Variants in CNTNAP3 observed in about 807,000 individuals in gnomAD.
The protein encoded by CNTNAP3 is contactin associated protein family member 3.
Under a neutral mutation model 92.1 loss-of-function variants are expected in CNTNAP3, and 36 were observed. The observed-to-expected ratio is 0.39, with a 90% CI of 0.30 to 0.52. The LOEUF is 0.52. Ranked by LOEUF, CNTNAP3 falls within the 20% of genes least tolerant of loss-of-function variation. CNTNAP3 has a pLI of 0.76. For synonymous variants in CNTNAP3, 232 were observed against 422.3 expected, an observed-to-expected ratio of 0.55 and a Z score of 5.53; for missense variants, 534 against 1,069.6, an observed-to-expected ratio of 0.50 and a Z score of 6.98.
In CNTNAP3 at chr9:39,117,914, C is replaced by T. The variant is rs868616564; in HGVS notation, c.2237+189G>A. 2.3e-3 allele frequency: 3,087 copies of T among 1,319,896 alleles called. 80 individuals are homozygous for T. In the African/African-American group the frequency reaches 0.042, roughly 18 times the overall value. 81.8% of individuals were successfully genotyped at this position (1,319,896 alleles called of 1,614,324 possible). On this transcript the variant is annotated intron_variant, in intron 14 of 23. Coordinates refer to ENST00000297668, the MANE Select transcript of CNTNAP3 (RefSeq NM_033655.5). ...CACATTATATAGTATTCACAACGAA[C>T]TAGTAAATCTTTGGTCATAAAATTT...
chr9:39,285,502 T>C lies in CNTNAP3; in HGVS notation c.85+2478A>G, dbSNP rs1185290899. Among the ~76,000 whole-genome samples the C allele has an allele frequency of 3.6e-4, 20 of 55,186 alleles. 6 individuals are homozygous for C. The highest frequency in any genetic ancestry group is 7.3e-4 in the African/African-American group (18 of 24,562). The allele number at this position is 55,186 out of a possible 152,430, so 36.2% of individuals were successfully genotyped here. ...GATAAACTGCACATAATCCCCAAAA[T>C]GCCAAATGTTTAGAAAGCTTTTTTT... On this transcript the variant is annotated intron_variant, in intron 1 of 23. Coordinates refer to ENST00000297668, the MANE Select transcript of CNTNAP3 (RefSeq NM_033655.5).
At chr9:39,119,002 G>C (rs1820936433) in intron 13 of CNTNAP3, among the ~76,000 whole-genome samples, 1 of 152,080 alleles carries the variant, frequency 6.6e-6, no homozygotes, top group South Asian at 2.1e-4. Flanking sequence ...GGTTGGGAGT[G>C]AAGATTGGGG....
intron 17 of CNTNAP3, among the ~76,000 whole-genome samples, chr9:39,100,568 T>G (rs1285293885): frequency 6.6e-6 from 1 of 150,592 alleles, no homozygotes; most frequent in African/African-American, 2.4e-5. Flanking sequence ...TGGTTAGGTA[T>G]GAACTTCCAA....
intron 21 of CNTNAP3, chr9:39,085,085 G>T (rs1256770440): frequency 1.4e-5 from 2 of 140,406 alleles, no homozygotes; most frequent in Non-Finnish European, 1.6e-5. Flanking sequence ...CATAAGATGG[G>T]TTTTTTTAAA....
At chr9:39,116,998 T>A (rs1325171252) in intron 14 of CNTNAP3, among the ~76,000 whole-genome samples, 1 of 151,730 alleles carries the variant, frequency 6.6e-6, no homozygotes, top group Non-Finnish European at 1.5e-5. Flanking sequence ...ATTATTATTA[T>A]TATTATTATT....
intron 23 of CNTNAP3, among the ~76,000 whole-genome samples, chr9:39,076,912 G>C (rs1347384859): frequency 2.0e-5 from 3 of 152,296 alleles, no homozygotes; most frequent in Non-Finnish European, 2.9e-5. Flanking sequence ...AGCCAAGATG[G>C]CGCCACTGCA....
chr9:39,133,701 G>C (rs908689475), intron 12 of CNTNAP3, among the ~76,000 whole-genome samples: 25 of 151,964 alleles, frequency 1.6e-4, no homozygotes, highest in Non-Finnish European at 3.1e-4. Flanking sequence ...CGGTGACCCT[G>C]AGCATCTGAC....
At chr9:39,099,109 G>A (rs1251686387) in intron 18 of CNTNAP3, among the ~76,000 whole-genome samples, 3 of 151,884 alleles carry the variant, frequency 2.0e-5, no homozygotes, top group African/African-American at 7.3e-5. Context: ...CGAGTAGCTG[G>A]GATGCCCGGC....
At chr9:39,142,735 T>C (rs1563891016) in intron 11 of CNTNAP3, among the ~76,000 whole-genome samples, 1 of 151,014 alleles carries the variant, frequency 6.6e-6, no homozygotes. Flanking sequence ...AGTACAAAAA[T>C]CATACTTCAT....
At chr9:39,133,494 T>C (rs1056111786) in intron 12 of CNTNAP3, among the ~76,000 whole-genome samples, 2,516 of 151,318 alleles carry the variant, frequency 0.017, 66 homozygotes, top group African/African-American at 0.058. Context: ...ATTTTCCTCA[T>C]CTGTATGTGC....
chr9:39,111,509 G>A (rs1826747129), intron 14 of CNTNAP3, among the ~76,000 whole-genome samples: 1 of 151,198 alleles, frequency 6.6e-6, no homozygotes, highest in Non-Finnish European at 1.5e-5. Flanking sequence ...AACAGAATAT[G>A]GATTATCTAA....
chr9:39,136,256 G>A (rs111618486), intron 12 of CNTNAP3, among the ~76,000 whole-genome samples: 5,300 of 152,000 alleles, frequency 0.035, 202 homozygotes, highest in Non-Finnish European at 0.042. Context: ...TTGTAAACGG[G>A]GATTGTCTGC....
At chr9:39,129,780 A>T (rs1821232656) in intron 13 of CNTNAP3, among the ~76,000 whole-genome samples, 1 of 152,168 alleles carries the variant, frequency 6.6e-6, no homozygotes, top group Non-Finnish European at 1.5e-5. Flanking sequence ...TGAAAATTCA[A>T]CAGTAACAAA....
rs1825648723 is a variant in CNTNAP3, at chr9:39,072,348, T to C, written c.*1542A>G. 6.8e-6 allele frequency among the ~76,000 whole-genome samples: 1 copy of C among 148,052 alleles called. No individual in the cohort carries two copies. Among genetic ancestry groups the C allele is most frequent in the South Asian group, 2.2e-4 (1 of 4,556 alleles). ...AATATACCATCTCATTAGTCCTTGGTAGGCAGTTGGTATCTGGAATATGAA... is the reference window on the plus strand; with the variant it reads ...AATATACCATCTCATTAGTCCTTGGCAGGCAGTTGGTATCTGGAATATGAA... On this transcript the variant is annotated 3_prime_UTR_variant, in exon 24 of 24. Transcript: ENST00000297668.
chr9:39,089,795 G>A (rs541565526), intron 18 of CNTNAP3, among the ~76,000 whole-genome samples: 1 of 152,144 alleles, frequency 6.6e-6, no homozygotes, highest in Non-Finnish European at 1.5e-5. Flanking sequence ...GACTTTGATT[G>A]CCTACTGGCT....
chr9:39,085,897 A>T, intron 20 of CNTNAP3, 74 bp from the exon 21 acceptor site: 1 of 1,289,702 alleles, frequency 7.8e-7, no homozygotes, highest in East Asian at 2.3e-5. Flanking sequence ...AAGGAAGATG[A>T]GGAAAGGAAA....
intron 9 of CNTNAP3, chr9:39,153,988 G>T: frequency 6.4e-6 from 1 of 155,470 alleles, no homozygotes; most frequent in South Asian, 1.8e-4. Context: ...AAATTGGTGG[G>T]TTTTTCTTCT....
intron 15 of CNTNAP3, among the ~76,000 whole-genome samples, chr9:39,104,571 A>AT (rs1338056915): frequency 6.6e-6 from 1 of 151,564 alleles, no homozygotes; most frequent in Non-Finnish European, 1.5e-5. Context: ...GAAGAAGCTT[A>AT]TTTGTTCCCT....
chr9:39,091,171 C>CTTTTTTTTTTTTT (rs201329360), intron 18 of CNTNAP3, among the ~76,000 whole-genome samples: 9 of 128,498 alleles, frequency 7.0e-5, no homozygotes, highest in African/African-American at 2.5e-4. Context: ...TTTTCTTCTT[C>CTTTTTTTTTTTTT]TTTTTTTTTT....
Sources: allele counts gnomAD v4.1 joint callset (sites outside exome capture counted in the v4.1 genomes callset), GRCh38; gene constraint gnomAD v4.1.1; transcripts MANE v1.5; gene names NCBI Gene and HGNC (gene_info 2026-07-23, HGNC 2026-07-21).